CRAMP1: variants seen among roughly 807,000 people sequenced by gnomAD.
CRAMP1 encodes the protein cramped chromatin regulator 1, also known as protein cramped-like.
Under a neutral mutation model 115.4 loss-of-function variants are expected in CRAMP1, and 50 were observed. The observed-to-expected ratio is 0.43, with a 90% CI of 0.35 to 0.55. The LOEUF (loss-of-function observed/expected upper bound fraction) is 0.55. Among genes scored for constraint, CRAMP1 ranks in the 20% least tolerant of loss-of-function variants. CRAMP1 has a pLI of 0.01. For missense variants in CRAMP1, 1,679 were observed against 1,721.7 expected (o/e 0.98, Z 0.44); for synonymous variants, 866 against 745.4 (o/e 1.16, Z -2.64).
Position 1,659,783 on chromosome 16 carries a change from C to CT in CRAMP1, c.2236-100dup, listed in dbSNP as rs1263913039. ...TGGCCTTTGCCGTCATGACACTGTG[C>CT]TTTCTGAGCTCGATGATTTTCTTGT... is the stretch of plus-strand genomic sequence containing the variant. On this transcript the variant is annotated intron_variant, in intron 10 of 20. Transcript: ENST00000397412. 361 of 1,135,210 alleles carry CT rather than the reference C, an allele frequency of 3.2e-4. 1 individual carries two copies. Among genetic ancestry groups the CT allele is most frequent in the Non-Finnish European group, 4.4e-4 (338 of 764,440 alleles). 70.3% of individuals were successfully genotyped at this position (1,135,210 alleles called of 1,614,324 possible).
At chr16:1,624,490 T>G (rs2036492401) in intron 2 of CRAMP1, among the ~76,000 whole-genome samples, 1 of 152,056 alleles carries the variant, frequency 6.6e-6, no homozygotes, top group Non-Finnish European at 1.5e-5. Context: ...CTCGGCTCAC[T>G]GCAACCTCCA....
At chr16:1,649,552 C>T (rs147582390) in intron 6 of CRAMP1, among the ~76,000 whole-genome samples, 2,353 of 152,176 alleles carry the variant, frequency 0.015, 22 homozygotes, top group Non-Finnish European at 0.024. Flanking sequence ...TGAAGTGGTG[C>T]CATCTCAGCT....
Position 1,656,279 on chromosome 16 carries a change from G to C in CRAMP1, c.1522G>C (p.Ala508Pro), listed in dbSNP as rs754112928. The change falls in exon 10 of 21, where the codon GCT (alanine) becomes CCT (proline). Residue 508 changes from alanine to proline, a missense_variant. This residue lies in a region of CRAMP1 where 405 missense variants were observed against 302.6 expected (regional missense o/e 1.34). Transcript: ENST00000397412. The surrounding 1 kb of genome is among the most constrained non-coding windows in gnomAD (Gnocchi z 5.6). ...GAALSLSSPD[A>P]PDRPPPRHQD... The stretch of plus-strand genomic sequence containing the variant: ...TGCCCTAAGCTTGAGCAGCCCGGAC[G>C]CTCCTGACAGGCCTCCTCCCAGGCA... The C allele has an allele frequency of 1.2e-6, 2 of 1,611,632 alleles. No homozygotes were observed. Among genetic ancestry groups the C allele is most frequent in the South Asian group, 1.1e-5 (1 of 91,036 alleles).
chr16:1,650,766 C>T (rs1180044018), intron 6 of CRAMP1, among the ~76,000 whole-genome samples: 1 of 152,248 alleles, frequency 6.6e-6, no homozygotes, highest in African/African-American at 2.4e-5. Context: ...ACTCTCCTAC[C>T]TGACGTGTGC....
intron 6 of CRAMP1, among the ~76,000 whole-genome samples, chr16:1,650,186 G>C (rs2036711261): frequency 6.6e-6 from 1 of 152,158 alleles, no homozygotes; most frequent in Admixed American, 6.6e-5. Context: ...GCTGAAATTA[G>C]AGCTAGGACC....
chr16:1,669,627 G>A lies in CRAMP1; in HGVS notation c.3499+462G>A, dbSNP rs1056599630. On this transcript the variant is annotated intron_variant, in intron 19 of 20. Transcript: ENST00000397412. The surrounding 1 kb of genome is among the most constrained non-coding windows in gnomAD (Gnocchi z 4.6). ...CCTGGCACATTCTTGAATATAGATC[G>A]GAGAGTTCAGAGGACGTGTCCATCC... Among the ~76,000 whole-genome samples, 1 of 152,180 alleles carries A rather than the reference G, an allele frequency of 6.6e-6. No individual in the cohort carries two copies. Among genetic ancestry groups the A allele is most frequent in the Admixed American group, 6.5e-5 (1 of 15,282 alleles).
At chr16:1,626,934 A>C (rs910207557) in intron 3 of CRAMP1, among the ~76,000 whole-genome samples, 18 of 152,152 alleles carry the variant, frequency 1.2e-4, no homozygotes, top group African/African-American at 4.3e-4. Flanking sequence ...GCAGTGGCAT[A>C]GTTGAAGAGC....
chr16:1,665,533 C>T (rs371803333), intron 14 of CRAMP1, among the ~76,000 whole-genome samples: 9 of 152,266 alleles, frequency 5.9e-5, no homozygotes, highest in South Asian at 2.1e-4. Context: ...TGGCTCCTTG[C>T]GGTAGATATT....
At position 1,630,590 on chromosome 16, in the gene CRAMP1, TC is replaced by T. The variant is rs58575646; in HGVS notation, c.541-1621del. Among the ~76,000 whole-genome samples the T allele has an allele frequency of 2.0e-3, 309 of 152,336 alleles. 3 individuals are homozygous for T. The highest frequency in any genetic ancestry group is 7.3e-3 in the African/African-American group (303 of 41,578). Reference sequence around the variant, plus strand: ...TGAGCACAGACATGGCCCTGCCTGCTCATTTGCAGGCGGTATTCAGATTAAC... The same window carrying T: ...TGAGCACAGACATGGCCCTGCCTGCTATTTGCAGGCGGTATTCAGATTAAC... On this transcript the variant is annotated intron_variant, in intron 3 of 20. Coordinates refer to ENST00000397412, the MANE Select transcript of CRAMP1 (RefSeq NM_020825.4).
Position 1,641,195 on chromosome 16 carries a change from C to G in CRAMP1, c.827+8C>G. On this transcript the variant is annotated splice_region_variant and intron_variant, in intron 6 of 20. Transcript: ENST00000397412. Reference sequence around the variant, plus strand: ...TGAACTCATTCAGGTTGGGTAAGTCCCAGTTTCCATGTGAAACATCACTTC... The same window carrying G: ...TGAACTCATTCAGGTTGGGTAAGTCGCAGTTTCCATGTGAAACATCACTTC... The G allele has an allele frequency of 6.2e-7, 1 of 1,601,826 alleles. No individual in the cohort carries two copies. The highest frequency in any genetic ancestry group is 1.1e-5 in the South Asian group (1 of 90,650).
At chr16:1,659,093 C>T (rs1194992674) in intron 10 of CRAMP1, among the ~76,000 whole-genome samples, 2 of 152,190 alleles carry the variant, frequency 1.3e-5, no homozygotes, top group African/African-American at 2.4e-5. Context: ...TTCATCCCTG[C>T]AGAGTGCTCT....
chr16:1,625,948 C>T (rs1318604560), intron 2 of CRAMP1, 25 bp from the exon 3 acceptor site: 10 of 1,550,542 alleles, frequency 6.4e-6, no homozygotes, highest in East Asian at 2.4e-5. Context: ...TGGAACAGAT[C>T]ACTGTACGGT....
At chr16:1,655,114 C>T (rs536099361) in intron 8 of CRAMP1, 105 bp from the exon 9 acceptor site, 93 of 1,009,402 alleles carry the variant, frequency 9.2e-5, no homozygotes, top group Non-Finnish European at 1.3e-4. Context: ...CCAGAGGTCC[C>T]TTGTCTCTTT....
At chr16:1,631,790 TG>T (rs1284862384) in intron 3 of CRAMP1, among the ~76,000 whole-genome samples, 1 of 152,266 alleles carries the variant, frequency 6.6e-6, no homozygotes, top group Non-Finnish European at 1.5e-5. Flanking sequence ...GAATATATTT[TG>T]TCAGATTAAA....
At chr16:1,663,216 A>G (rs1033653931) in intron 13 of CRAMP1, among the ~76,000 whole-genome samples, 10 of 152,186 alleles carry the variant, frequency 6.6e-5, no homozygotes, top group African/African-American at 2.4e-4. Flanking sequence ...GGAGTCCCCG[A>G]GGATGCCGTA....
rs61739873 is a variant in CRAMP1, at chr16:1,656,425, G to A, written c.1668G>A (p.Ser556=). ...GQLPDLEDEL[S]LLDPLPRYLK... is the part of the protein sequence containing the mutation. ...TCCCAGACCTGGAGGACGAGCTCTC[G>A]CTTCTAGACCCCTTGCCCCGCTACC... Residue 556 remains serine, a synonymous_variant, in exon 10 of 21, where the codon TCG becomes TCA. Transcript: ENST00000397412. This position sits in a 1 kb window ranked among gnomAD's most constrained non-coding sequence, Gnocchi z 5.6. 181 of 1,586,580 alleles carry A rather than the reference G, an allele frequency of 1.1e-4. No individual in the cohort carries two copies. Among genetic ancestry groups the A allele is most frequent in the Admixed American group, 5.3e-5 (3 of 56,200 alleles).
intron 5 of CRAMP1, among the ~76,000 whole-genome samples, chr16:1,639,904 C>G (rs540065819): frequency 6.6e-6 from 1 of 152,192 alleles, no homozygotes; most frequent in African/African-American, 2.4e-5. Flanking sequence ...ATTCTCCTGC[C>G]TCATGAGGAT....
chr16:1,651,700 TGAGGTCACACA>T (rs987108542), intron 6 of CRAMP1, among the ~76,000 whole-genome samples: 5 of 145,644 alleles, frequency 3.4e-5, no homozygotes, highest in East Asian at 2.1e-4. Flanking sequence ...AGAGGTGGAC[TGAGGTCACACA>T]GAGGTCACCT....
At position 1,614,696 on chromosome 16, in the gene CRAMP1, C is replaced by T; in HGVS notation, c.57C>T (p.Gly19=). 2 of 1,333,906 alleles carry T rather than the reference C, an allele frequency of 1.5e-6. No homozygotes were observed. The highest frequency in any genetic ancestry group is 1.9e-6 in the Non-Finnish European group (2 of 1,034,716). 82.6% of individuals were successfully genotyped at this position (1,333,906 alleles called of 1,614,324 possible). Residue 19 remains glycine (G), a synonymous_variant, in exon 2 of 21, where the codon GGC becomes GGT. Coordinates refer to ENST00000397412, the MANE Select transcript of CRAMP1 (RefSeq NM_020825.4). This position sits in a 1 kb window ranked among gnomAD's most constrained non-coding sequence, Gnocchi z 4.4. ...GGGAGGACGGGCTCAAGAAGCTGGG[C>T]AAGCGGGCGGCCGATGAGGAGTCCC... is the stretch of plus-strand genomic sequence containing the variant. ...GSGEDGLKKL[G]KRAADEESLE...
Sources: gnomAD v4.1 joint callset for allele counts (sites outside exome capture counted in the v4.1 genomes callset) on GRCh38, gnomAD v4.1.1 for gene constraint, gnomAD v4.1.1 regional missense constraint, Gnocchi (gnomAD v3.1) non-coding constraint, MANE v1.5 for transcripts, NCBI Gene and HGNC (gene_info 2026-07-23, HGNC 2026-07-21) for gene names.